BTBD10: variants seen among roughly 807,000 people sequenced by gnomAD.
BTBD10 encodes BTB domain containing 10.
BTBD10 carries 21 observed loss-of-function variants against 53.2 expected under a neutral mutation model. That is an observed-to-expected ratio of 0.39 (90% CI 0.28 to 0.57). The LOEUF is 0.57. Ranked by LOEUF, BTBD10 falls within the 20% of genes least tolerant of loss-of-function variation. The pLI, the probability that BTBD10 is intolerant of heterozygous loss-of-function variation, is 0.53. For synonymous variants in BTBD10, 149 were observed against 192.7 expected (o/e 0.77, Z 1.88); for missense variants, 360 against 594.7 (o/e 0.61, Z 4.10).
At chr11:13,451,712 A>T (rs1950862593) in intron 1 of BTBD10, among the ~76,000 whole-genome samples, 1 of 152,226 alleles carries the variant, frequency 6.6e-6, no homozygotes, top group Non-Finnish European at 1.5e-5. Context: ...AAATTATAAG[A>T]CATGCAAAAA....
intron 6 of BTBD10, among the ~76,000 whole-genome samples, chr11:13,410,784 C>T (rs184508893): frequency 2.0e-5 from 3 of 152,220 alleles, no homozygotes; most frequent in African/African-American, 7.2e-5. Context: ...TAAACATATT[C>T]TACACACAGC....
chr11:13,406,410 A>G (rs1949829171), intron 6 of BTBD10, among the ~76,000 whole-genome samples: 1 of 152,288 alleles, frequency 6.6e-6, no homozygotes, highest in South Asian at 2.1e-4. Context: ...CACAGCCACA[A>G]ACTCACCTGC....
chr11:13,441,787 T>C (rs1464175236), intron 2 of BTBD10, among the ~76,000 whole-genome samples: 1 of 152,138 alleles, frequency 6.6e-6, no homozygotes, highest in African/African-American at 2.4e-5. Context: ...AGTATGCTTA[T>C]TTCCTTACGT....
intron 8 of BTBD10, among the ~76,000 whole-genome samples, chr11:13,395,878 G>T (rs949266472): frequency 1.8e-4 from 27 of 152,258 alleles, no homozygotes; most frequent in African/African-American, 6.5e-4. Flanking sequence ...TGAGGGCTCT[G>T]TTCTGTTCCA....
At chr11:13,422,590 C>T (rs539467539) in intron 2 of BTBD10, among the ~76,000 whole-genome samples, 11 of 151,998 alleles carry the variant, frequency 7.2e-5, no homozygotes, top group Admixed American at 2.6e-4. Context: ...TGCGGTGAGC[C>T]GAGATCACGC....
chr11:13,431,733 G>C (rs768919838), intron 2 of BTBD10, among the ~76,000 whole-genome samples: 18 of 152,040 alleles, frequency 1.2e-4, no homozygotes, highest in Non-Finnish European at 2.4e-4. Flanking sequence ...ACTTTAGAAT[G>C]CAAATCTGGT....
intron 2 of BTBD10, among the ~76,000 whole-genome samples, chr11:13,425,324 ACT>A (rs1467490596): frequency 6.6e-6 from 1 of 152,198 alleles, no homozygotes; most frequent in African/African-American, 2.4e-5. Flanking sequence ...AAAGGACCAC[ACT>A]GTTTCCCTAT....
chr11:13,425,480 AC>A (rs934864462), intron 2 of BTBD10, among the ~76,000 whole-genome samples: 21 of 152,338 alleles, frequency 1.4e-4, no homozygotes, highest in African/African-American at 4.8e-4. Flanking sequence ...AGGAAAAAAA[AC>A]ATCAAGTGAA....
chr11:13,427,306 A>C (rs1427724527), intron 2 of BTBD10, among the ~76,000 whole-genome samples: 2 of 152,226 alleles, frequency 1.3e-5, no homozygotes, highest in African/African-American at 4.8e-5. Flanking sequence ...AAGATACACT[A>C]TGCTAGCACT....
At chr11:13,461,248 C>T (rs927670017) in intron 1 of BTBD10, among the ~76,000 whole-genome samples, 2 of 152,126 alleles carry the variant, frequency 1.3e-5, no homozygotes, top group South Asian at 2.1e-4. Context: ...GATTCAGTCA[C>T]ATGATATTTT....
chr11:13,442,511 C>G (rs1421277110), intron 2 of BTBD10, among the ~76,000 whole-genome samples: 1 of 152,044 alleles, frequency 6.6e-6, no homozygotes, highest in Non-Finnish European at 1.5e-5. Context: ...ATCCACAGAG[C>G]TCCAACTTCA....
intron 8 of BTBD10, among the ~76,000 whole-genome samples, chr11:13,397,962 C>G (rs1483569877): frequency 6.6e-6 from 1 of 152,050 alleles, no homozygotes; most frequent in African/African-American, 2.4e-5. Flanking sequence ...TTACTTCCAA[C>G]TATGTGGTCA....
chr11:13,398,374 T>TG (rs1411909389), intron 8 of BTBD10, among the ~76,000 whole-genome samples: 1 of 152,046 alleles, frequency 6.6e-6, no homozygotes, highest in African/African-American at 2.4e-5. Context: ...CCCCTGCCTT[T>TG]TTTTGTTTTC....
chr11:13,406,560 TGAGAGAGA>T (rs72242186), intron 6 of BTBD10, among the ~76,000 whole-genome samples: 11 of 141,454 alleles, frequency 7.8e-5, no homozygotes, highest in South Asian at 6.9e-4. Flanking sequence ...TACGCATGAG[TGAGAGAGA>T]GAGAGAGAGA....
At chr11:13,415,530 G>A (rs1257291562) in intron 5 of BTBD10, among the ~76,000 whole-genome samples, 1 of 150,960 alleles carries the variant, frequency 6.6e-6, no homozygotes, top group Admixed American at 6.6e-5. Flanking sequence ...ACAAAGGGCT[G>A]TGGAAGCTCA....
Position 13,456,152 on chromosome 11 carries a change from TA to T in BTBD10, c.-58+6939del, listed in dbSNP as rs1269087059. 3.3e-5 allele frequency among the ~76,000 whole-genome samples: 5 copies of T among 152,310 alleles called. No homozygotes were observed. In the East Asian group the frequency reaches 9.6e-4, roughly 29 times the overall value. On this transcript the variant is annotated intron_variant, in intron 1 of 8. Transcript: ENST00000278174. ...TACTATAGGTAGCATTCCACTTTAA[TA>T]AAATTAAAAATGTTGTTATATTCAA...
intron 4 of BTBD10, among the ~76,000 whole-genome samples, chr11:13,419,021 T>G (rs1271896570): frequency 1.4e-5 from 2 of 147,936 alleles, no homozygotes; most frequent in Admixed American, 1.4e-4. Flanking sequence ...TGACAATTCA[T>G]GCTGACTTTA....
intron 8 of BTBD10, among the ~76,000 whole-genome samples, chr11:13,397,086 C>A (rs183561924): frequency 1.9e-3 from 287 of 152,302 alleles, no homozygotes; most frequent in Middle Eastern, 0.01. Flanking sequence ...CCATCTTTTT[C>A]TATTGATTGG....
intron 1 of BTBD10, among the ~76,000 whole-genome samples, chr11:13,446,988 A>T (rs972052141): frequency 9.2e-5 from 14 of 152,184 alleles, no homozygotes; most frequent in African/African-American, 3.1e-4. Context: ...GTATAAAGAT[A>T]GTAGAAAGAA....
Sources: gnomAD v4.1 joint callset for allele counts (sites outside exome capture counted in the v4.1 genomes callset) on GRCh38, gnomAD v4.1.1 for gene constraint, MANE v1.5 for transcripts, NCBI Gene and HGNC (gene_info 2026-07-23, HGNC 2026-07-21) for gene names.